TBC1D9: variants seen among roughly 807,000 people sequenced by gnomAD.
The protein encoded by TBC1D9 is TBC1 domain family member 9.
TBC1D9 carries 63 observed loss-of-function variants against 132.0 expected under a neutral mutation model. The observed-to-expected ratio is 0.48, with a 90% CI of 0.39 to 0.59. TBC1D9 has a LOEUF of 0.59. TBC1D9 is among the 20% of genes least tolerant of loss of function. The pLI is 0.00. For synonymous variants in TBC1D9, 610 were observed against 609.9 expected (o/e 1.00, Z 0.00); for missense variants, 1,261 against 1,592.7 (o/e 0.79, Z 3.54).
chr4:140,643,423 C>T (rs990982727), intron 13 of TBC1D9: 64 of 924,760 alleles, frequency 6.9e-5, no homozygotes, highest in Non-Finnish European at 1.0e-4. Flanking sequence ...AGTGGGTCTT[C>T]CAGGCCGGGC....
chr4:140,653,764 G>A (rs1372166326), intron 13 of TBC1D9, among the ~76,000 whole-genome samples: 1 of 152,108 alleles, frequency 6.6e-6, no homozygotes, highest in Non-Finnish European at 1.5e-5. Flanking sequence ...TAGTTATCAC[G>A]CACTGAAAGA....
rs3756105 is a variant in TBC1D9 at position 140,732,243 on chromosome 4, A to G, written c.130+23673T>C. Among the ~76,000 whole-genome samples, 109 of 152,360 alleles carry G rather than the reference A, an allele frequency of 7.2e-4. 1 individual carries two copies. The East Asian group carries it at 0.02, about 29-fold the overall frequency. ...TTAAATGGGAATGAGACTTAGAGGT[A>G]TGGGAGATATTATACCTTAATCTTC... On this transcript the variant is annotated intron_variant, in intron 1 of 20. Coordinates refer to ENST00000442267, the MANE Select transcript of TBC1D9 (RefSeq NM_015130.3).
intron 6 of TBC1D9, among the ~76,000 whole-genome samples, chr4:140,672,597 C>T (rs954274796): frequency 7.9e-5 from 12 of 152,242 alleles, no homozygotes; most frequent in East Asian, 3.9e-4. Flanking sequence ...AAAATTCCTT[C>T]GTCTAGCTGG....
At chr4:140,625,021 C>T (rs948471051) in intron 18 of TBC1D9, among the ~76,000 whole-genome samples, 1 of 151,454 alleles carries the variant, frequency 6.6e-6, no homozygotes, top group Non-Finnish European at 1.5e-5. Context: ...CATTGCACTC[C>T]AGCCTGGGCA....
At chr4:140,685,788 G>A (rs1737769821) in intron 3 of TBC1D9, among the ~76,000 whole-genome samples, 1 of 152,150 alleles carries the variant, frequency 6.6e-6, no homozygotes. Flanking sequence ...TAAAAACTTG[G>A]TCACATGGAG....
chr4:140,658,987 T>C (rs571068179), intron 11 of TBC1D9, among the ~76,000 whole-genome samples: 14 of 152,236 alleles, frequency 9.2e-5, no homozygotes, highest in Non-Finnish European at 1.5e-4. Context: ...TTTAGAAATA[T>C]AGAAAGAACA....
At chr4:140,641,105 C>CAAAAAAAAAAA (rs1038335139) in intron 13 of TBC1D9, among the ~76,000 whole-genome samples, 1 of 59,780 alleles carries the variant, frequency 1.7e-5, no homozygotes, top group Non-Finnish European at 3.1e-5. Context: ...AAAAAAAAAA[C>CAAAAAAAAAAA]AAAAAAAAAC....
chr4:140,727,852 A>G (rs1366763979), intron 1 of TBC1D9, among the ~76,000 whole-genome samples: 4 of 152,104 alleles, frequency 2.6e-5, no homozygotes, highest in African/African-American at 4.8e-5. Flanking sequence ...TCAAAGTACT[A>G]CCTGCTGGTA....
intron 13 of TBC1D9, chr4:140,643,398 A>G (rs941026552): frequency 1.9e-5 from 8 of 423,292 alleles, no homozygotes; most frequent in African/African-American, 1.0e-4. Flanking sequence ...CTCCATGGCC[A>G]CCTCCATGCC....
chr4:140,623,008 C>T (rs551600514), intron 20 of TBC1D9, 91 bp from the exon 21 acceptor site: 8 of 1,399,554 alleles, frequency 5.7e-6, no homozygotes, highest in Non-Finnish European at 7.4e-6. Context: ...TAAATGAGAA[C>T]GCCTAAAGAT....
intron 13 of TBC1D9, among the ~76,000 whole-genome samples, chr4:140,648,382 G>GTTTTTTTTT (rs1426316935): frequency 7.3e-6 from 1 of 137,294 alleles, no homozygotes; most frequent in African/African-American, 2.8e-5. Context: ...CAGTTTTGTT[G>GTTTTTTTTT]TTGTTTTTTT....
intron 1 of TBC1D9, among the ~76,000 whole-genome samples, chr4:140,722,418 T>C (rs1190962943): frequency 6.6e-6 from 1 of 152,194 alleles, no homozygotes; most frequent in Non-Finnish European, 1.5e-5. Context: ...AATATTTTTA[T>C]TAAACTTGGG....
chr4:140,686,718 T>C (rs1240218953), intron 2 of TBC1D9, among the ~76,000 whole-genome samples: 1 of 152,192 alleles, frequency 6.6e-6, no homozygotes, highest in East Asian at 1.9e-4. Context: ...TTGAGGACAC[T>C]GTTTCAGATC....
chr4:140,644,480 C>G (rs1472037987), intron 13 of TBC1D9: 4 of 300,904 alleles, frequency 1.3e-5, no homozygotes, highest in Admixed American at 1.0e-4. Flanking sequence ...CATAGATGCT[C>G]GCAGGGCCGG....
At chr4:140,625,738 A>C (rs1337481996) in intron 18 of TBC1D9, among the ~76,000 whole-genome samples, 1 of 152,214 alleles carries the variant, frequency 6.6e-6, no homozygotes, top group Admixed American at 6.5e-5. Flanking sequence ...TTTAATGACA[A>C]AGTAATATTC....
chr4:140,747,577 A>G (rs1279774073), intron 1 of TBC1D9, among the ~76,000 whole-genome samples: 1 of 152,230 alleles, frequency 6.6e-6, no homozygotes, highest in Non-Finnish European at 1.5e-5. Context: ...ATCAAAAAAT[A>G]AAAAGCAACA....
rs140191188 is a variant in TBC1D9, at chr4:140,718,686, C to G, written c.131-17072G>C. 1.9e-3 allele frequency among the ~76,000 whole-genome samples: 284 copies of G among 152,234 alleles called. 1 individual carries two copies. The highest frequency in any genetic ancestry group is 6.6e-3 in the African/African-American group (274 of 41,534). On this transcript the variant is annotated intron_variant, in intron 1 of 20. Transcript: ENST00000442267. ...TAAATCCGAAAGAGCACCCAGCAGT[C>G]TAAGGAAAAACATTTAGATGTTTGT...
Position 140,756,311 on chromosome 4 carries a change from C to A in TBC1D9, c.-266G>T, listed in dbSNP as rs977727900. Among the ~76,000 whole-genome samples the A allele has an allele frequency of 6.6e-6, 1 of 151,988 alleles. No homozygotes were observed. On this transcript the variant is annotated 5_prime_UTR_variant, in exon 1 of 21. Transcript: ENST00000442267. The surrounding 1 kb of genome is among the most constrained non-coding windows in gnomAD (Gnocchi z 5.6). ...GGCGTCGCCGCCCCGCGAGAGCCCG[C>A]GGCCGCAGACGCCCGGCCTGGCACT...
intron 1 of TBC1D9, among the ~76,000 whole-genome samples, chr4:140,753,887 G>A (rs1298856359): frequency 6.6e-6 from 1 of 152,182 alleles, no homozygotes; most frequent in African/African-American, 2.4e-5. Context: ...TTTCTAAAAT[G>A]TTCCTGCTAC....
Sources: allele counts gnomAD v4.1 joint callset (sites outside exome capture counted in the v4.1 genomes callset), GRCh38; gene constraint gnomAD v4.1.1; non-coding constraint Gnocchi (gnomAD v3.1); transcripts MANE v1.5; gene names NCBI Gene and HGNC (gene_info 2026-07-23, HGNC 2026-07-21).